Variants in TPP2 observed in about 807,000 individuals in gnomAD.
The protein encoded by TPP2 is tripeptidyl-peptidase 2.
In TPP2, 34 loss-of-function variants were observed where a neutral mutation model predicts 155.9. The observed-to-expected ratio is 0.22, with a 90% CI of 0.17 to 0.29. The LOEUF (loss-of-function observed/expected upper bound fraction) is 0.29. Ranked by LOEUF, TPP2 falls within the 10% of genes least tolerant of loss-of-function variation. The pLI, the probability that TPP2 is intolerant of heterozygous loss-of-function variation, is 1.00. For synonymous variants in TPP2, 510 were observed against 529.4 expected (o/e 0.96, Z 0.50); for missense variants, 1,028 against 1,522.3 (o/e 0.68, Z 5.40).
At chr13:102,661,495 A>G (rs1884224708) in intron 25 of TPP2, among the ~76,000 whole-genome samples, 1 of 152,074 alleles carries the variant, frequency 6.6e-6, no homozygotes, top group Non-Finnish European at 1.5e-5. Context: ...CTCCTGCTTC[A>G]GCTTCCCATA....
At chr13:102,654,566 G>C (rs564250112) in intron 24 of TPP2, among the ~76,000 whole-genome samples, 3 of 152,116 alleles carry the variant, frequency 2.0e-5, no homozygotes, top group African/African-American at 4.8e-5. Context: ...AAATACCTCT[G>C]AGTCTGAGGA....
At chr13:102,598,693 C>A (rs566006714) in intron 1 of TPP2, among the ~76,000 whole-genome samples, 1 of 152,130 alleles carries the variant, frequency 6.6e-6, no homozygotes, top group Admixed American at 6.5e-5. Flanking sequence ...AGTGGTTCAC[C>A]GGTTCTTTTG....
At chr13:102,656,741 A>G (rs369105827) in intron 24 of TPP2, among the ~76,000 whole-genome samples, 10 of 152,224 alleles carry the variant, frequency 6.6e-5, no homozygotes, top group African/African-American at 2.4e-4. Context: ...AAAATGTGAA[A>G]GGTCAGTGTA....
chr13:102,619,082 ATAAT>A (rs1186829730), intron 5 of TPP2, among the ~76,000 whole-genome samples: 2 of 152,186 alleles, frequency 1.3e-5, no homozygotes, highest in Admixed American at 6.5e-5. Flanking sequence ...TACTTCATTA[ATAAT>A]TTATTAGTAT....
At chr13:102,609,674 A>AGC (rs1348559730) in intron 2 of TPP2, among the ~76,000 whole-genome samples, 7 of 151,654 alleles carry the variant, frequency 4.6e-5, no homozygotes, top group Non-Finnish European at 8.8e-5. Flanking sequence ...TGGGATTACA[A>AGC]GCGCGAGCCA....
intron 10 of TPP2, among the ~76,000 whole-genome samples, chr13:102,633,497 C>T (rs1882158777): frequency 6.6e-6 from 1 of 152,024 alleles, no homozygotes; most frequent in East Asian, 1.9e-4. Context: ...GTCTTGTTAG[C>T]TTTTTTTAAG....
chr13:102,625,551 A>G (rs1881552697), intron 6 of TPP2, among the ~76,000 whole-genome samples: 1 of 152,200 alleles, frequency 6.6e-6, no homozygotes. Context: ...GGTGCTCTGT[A>G]TCCTCAGCAA....
chr13:102,656,035 C>T (rs910035089), intron 24 of TPP2, among the ~76,000 whole-genome samples: 5 of 152,132 alleles, frequency 3.3e-5, no homozygotes, highest in African/African-American at 7.2e-5. Context: ...TCATTTTCTC[C>T]CATTTCTGCG....
chr13:102,666,766 C>CTTTTTTTTTTTTTTTTTT lies in TPP2; in HGVS notation c.3371+1849_3371+1866dup. 1.3e-3 allele frequency among the ~76,000 whole-genome samples: 70 copies of CTTTTTTTTTTTTTTTTTT among 55,734 alleles called. 1 individual carries two copies. Among genetic ancestry groups the CTTTTTTTTTTTTTTTTTT allele is most frequent in the Non-Finnish European group, 1.4e-3 (46 of 32,642 alleles). The allele number at this position is 55,734 out of a possible 152,430, so 36.6% of individuals were successfully genotyped here. On this transcript the variant is annotated intron_variant, in intron 27 of 29. Coordinates refer to ENST00000376052, the MANE Select transcript of TPP2 (RefSeq NM_001330588.2). The stretch of plus-strand genomic sequence containing the variant: ...TGGTCTTTATCACTGTTTTTAATCT[C>CTTTTTTTTTTTTTTTTTT]TTTTTTTTTTTTTTTTTTTTTTTTT...
At chr13:102,652,672 A>G (rs1024819015) in intron 24 of TPP2, among the ~76,000 whole-genome samples, 3 of 151,960 alleles carry the variant, frequency 2.0e-5, no homozygotes, top group Admixed American at 6.6e-5. Context: ...ATTATTACAT[A>G]ATAGTAAATA....
chr13:102,648,787 A>T (rs1883311912), intron 21 of TPP2, 120 bp from the exon 22 acceptor site: 10 of 1,333,038 alleles, frequency 7.5e-6, no homozygotes, highest in Non-Finnish European at 1.0e-5. Flanking sequence ...AGTTCCTTGC[A>T]CTGTACCTCA....
intron 28 of TPP2, among the ~76,000 whole-genome samples, chr13:102,674,727 A>G (rs986853010): frequency 1.3e-5 from 2 of 152,234 alleles, no homozygotes; most frequent in African/African-American, 4.8e-5. Context: ...CAGTTTGAGA[A>G]TATGTGTAGT....
intron 2 of TPP2, among the ~76,000 whole-genome samples, chr13:102,608,865 C>T (rs1595135036): frequency 6.6e-6 from 1 of 152,094 alleles, no homozygotes; most frequent in East Asian, 1.9e-4. Flanking sequence ...TCTAATCATC[C>T]CTAGCTGTCT....
intron 1 of TPP2, among the ~76,000 whole-genome samples, chr13:102,602,167 G>C (rs925987208): frequency 1.3e-5 from 2 of 152,070 alleles, no homozygotes; most frequent in South Asian, 4.1e-4. Flanking sequence ...TAAAATAGGT[G>C]ATTTTCTTAT....
intron 25 of TPP2, among the ~76,000 whole-genome samples, chr13:102,660,701 G>T (rs1884154085): frequency 6.6e-6 from 1 of 152,144 alleles, no homozygotes; most frequent in Non-Finnish European, 1.5e-5. Flanking sequence ...AGCAAAGTAG[G>T]GCTCACACTT....
intron 27 of TPP2, among the ~76,000 whole-genome samples, chr13:102,666,494 G>A (rs1884604004): frequency 1.3e-5 from 2 of 152,300 alleles, no homozygotes; most frequent in South Asian, 4.1e-4. Context: ...GTGATAACCA[G>A]TTGCTAAAAA....
At chr13:102,616,844 C>T (rs1030755865) in intron 4 of TPP2, among the ~76,000 whole-genome samples, 23 of 152,284 alleles carry the variant, frequency 1.5e-4, no homozygotes, top group Non-Finnish European at 2.5e-4. Flanking sequence ...TGACTTCTAA[C>T]ACTGCAGATG....
In TPP2 at chr13:102,633,916, C is replaced by T. The variant is rs371886756; in HGVS notation, c.1245-34C>T. Reference sequence around the variant, plus strand: ...ATGCCCATGTATGTTTAGCTTTCACCATCCTAAGCAAACTTCAATGGCTTT... The same window carrying T: ...ATGCCCATGTATGTTTAGCTTTCACTATCCTAAGCAAACTTCAATGGCTTT... On this transcript the variant is annotated intron_variant, in intron 10 of 29. Coordinates refer to ENST00000376052, the MANE Select transcript of TPP2 (RefSeq NM_001330588.2). 11 of 1,611,720 alleles carry T rather than the reference C, an allele frequency of 6.8e-6. No homozygotes were observed. In the East Asian group the frequency reaches 2.5e-4, roughly 36 times the overall value.
chr13:102,676,243 C>G, intron 28 of TPP2, 53 bp from the exon 29 acceptor site: 1 of 1,446,240 alleles, frequency 6.9e-7, no homozygotes, highest in African/African-American at 1.5e-5. Context: ...AAAGCTAATG[C>G]CTTAAAATGT....
Sources: gnomAD v4.1 joint callset for allele counts (sites outside exome capture counted in the v4.1 genomes callset) on GRCh38, gnomAD v4.1.1 for gene constraint, MANE v1.5 for transcripts, NCBI Gene and HGNC (gene_info 2026-07-23, HGNC 2026-07-21) for gene names.